Variants in CPAMD8 observed in about 807,000 individuals in gnomAD.
The protein encoded by CPAMD8 is C3 and PZP like alpha-2-macroglobulin domain containing 8.
Under a neutral mutation model 224.7 loss-of-function variants are expected in CPAMD8, and 146 were observed. That is an observed-to-expected ratio of 0.65 (90% CI 0.57 to 0.75). CPAMD8 has a LOEUF of 0.75. CPAMD8 is among the 30% of genes least tolerant of loss of function. The probability of loss-of-function intolerance (pLI) is 0.00; values close to 1 mark genes in which losing one functional copy is unlikely to be tolerated. For missense variants in CPAMD8, 2,301 were observed against 2,537.5 expected (o/e 0.91, Z 2.00); for synonymous variants, 966 against 1,044.6 (o/e 0.92, Z 1.45).
rs1299028718 is a variant in CPAMD8, at chr19:16,980,693, A to C, written c.1396-7T>G. On this transcript the variant is annotated splice_polypyrimidine_tract_variant and splice_region_variant and intron_variant, in intron 13 of 41. Transcript: ENST00000443236. ...AATAGGCTTCTTCCCCAACCTATGG[A>C]AGACACGCAGCATGGGGGGCTCTGC... 33 of 1,521,312 alleles carry C rather than the reference A, an allele frequency of 2.2e-5. No homozygotes were observed. Among genetic ancestry groups the C allele is most frequent in the Non-Finnish European group, 2.8e-5 (32 of 1,134,800 alleles). The allele number at this position is 1,521,312 out of a possible 1,614,324, so 94.2% of individuals were successfully genotyped here. A position where few individuals can be genotyped will look rare whatever the true frequency, so the allele number is the denominator to read the frequency against.
intron 29 of CPAMD8, among the ~76,000 whole-genome samples, chr19:16,913,429 C>T (rs1427321610): frequency 6.6e-6 from 1 of 152,142 alleles, no homozygotes; most frequent in East Asian, 1.9e-4. Flanking sequence ...GCTCTCTCTC[C>T]ACATGCACAC....
At chr19:16,926,134 A>G (rs2053350042) in intron 25 of CPAMD8, among the ~76,000 whole-genome samples, 1 of 151,914 alleles carries the variant, frequency 6.6e-6, no homozygotes. Flanking sequence ...AAAAGTTTCT[A>G]TATGTATGGA....
At chr19:17,015,255 TA>T (rs930010589) in intron 3 of CPAMD8, among the ~76,000 whole-genome samples, 2 of 151,670 alleles carry the variant, frequency 1.3e-5, no homozygotes, top group African/African-American at 2.4e-5. Context: ...AAATAAAAAA[TA>T]AAAAAAATGT....
chr19:16,903,131 C>T (rs1357314922), intron 34 of CPAMD8, among the ~76,000 whole-genome samples: 1 of 152,080 alleles, frequency 6.6e-6, no homozygotes, highest in Non-Finnish European at 1.5e-5. Flanking sequence ...CTCTCATCCA[C>T]AGTGTTATCT....
chr19:16,998,147 T>A (rs932172341), intron 10 of CPAMD8, among the ~76,000 whole-genome samples: 1 of 152,122 alleles, frequency 6.6e-6, no homozygotes, highest in Non-Finnish European at 1.5e-5. Context: ...TTCCAATCCA[T>A]GGAAGAGAAG....
intron 2 of CPAMD8, among the ~76,000 whole-genome samples, chr19:17,021,354 G>A (rs570719376): frequency 2.6e-5 from 4 of 152,180 alleles, no homozygotes; most frequent in Non-Finnish European, 5.9e-5. Flanking sequence ...GCTTCTAGAA[G>A]GTTCTAGAAG....
intron 23 of CPAMD8, among the ~76,000 whole-genome samples, chr19:16,930,813 T>C (rs1295475952): frequency 6.6e-6 from 1 of 152,168 alleles, no homozygotes; most frequent in Non-Finnish European, 1.5e-5. Flanking sequence ...ATCGAGATCC[T>C]AGCCACTGCC....
chr19:17,026,759 C>G lies in CPAMD8; in HGVS notation c.-117G>C, dbSNP rs1047925748. 30 of 1,188,528 alleles carry G rather than the reference C, an allele frequency of 2.5e-5. No homozygotes were observed. The highest frequency in any genetic ancestry group is 2.9e-5 in the Non-Finnish European group (28 of 960,980). The allele number at this position is 1,188,528 out of a possible 1,614,324, so 73.6% of individuals were successfully genotyped here. On this transcript the variant is annotated 5_prime_UTR_variant, in exon 1 of 42. Coordinates refer to ENST00000443236, the MANE Select transcript of CPAMD8 (RefSeq NM_015692.5). Reference sequence around the variant, plus strand: ...CCGCCGGGGGCCCTTTGTTCGCAGCCCCCGCGCAGTGCGCCCGGCGCCATG... The same window carrying G: ...CCGCCGGGGGCCCTTTGTTCGCAGCGCCCGCGCAGTGCGCCCGGCGCCATG...
At chr19:16,893,550 C>G (rs2051842378) in intron 41 of CPAMD8, 1 of 477,438 alleles carries the variant, frequency 2.1e-6, no homozygotes, top group South Asian at 4.8e-5. Flanking sequence ...GAAATAAATA[C>G]CACCCCGGAG....
At position 16,975,192 on chromosome 19, in the gene CPAMD8, A is replaced by T; in HGVS notation, c.1975T>A (p.Phe659Ile). 6.2e-7 allele frequency: 1 copy of T among 1,611,856 alleles called. No homozygotes were observed. The highest frequency in any genetic ancestry group is 2.2e-5 in the East Asian group (1 of 44,838). ...TGTGCCGTCAGCCCAGCCCACCAAA[A>T]AGGACCATCCTCCCTGGACACGCCA... ...SFGVSREDGP[F>I]WWAGLTAQRR... The change falls in exon 17 of 42, where the codon TTT (phenylalanine) becomes ATT (isoleucine). Residue 659 changes from phenylalanine (F) to isoleucine (I), a missense_variant. Around this residue, in one of 4 missense-constraint regions of CPAMD8, gnomAD observed 1,709 missense variants for 1,753.2 expected, o/e 0.97. Transcript: ENST00000443236.
chr19:16,942,104 C>T (rs1191494083), intron 22 of CPAMD8, among the ~76,000 whole-genome samples: 1 of 152,130 alleles, frequency 6.6e-6, no homozygotes, highest in Non-Finnish European at 1.5e-5. Context: ...CTGAGGCCTC[C>T]CCAGCCATGC....
Position 17,012,028 on chromosome 19 carries a change from C to CT in CPAMD8, c.268-272dup, listed in dbSNP as rs966705006. Among the ~76,000 whole-genome samples the CT allele has an allele frequency of 9.8e-4, 149 of 151,494 alleles. 1 individual carries two copies. The highest frequency in any genetic ancestry group is 3.9e-3 in the Admixed American group (59 of 15,194). On this transcript the variant is annotated intron_variant, in intron 3 of 41. Coordinates refer to ENST00000443236, the MANE Select transcript of CPAMD8 (RefSeq NM_015692.5). Reference sequence around the variant, plus strand: ...GCCCTTGGCAAACTGCCCCAAATATCTTTTTTTTTGGAGACAAGGCTTACT... The same window carrying CT: ...GCCCTTGGCAAACTGCCCCAAATATCTTTTTTTTTTGGAGACAAGGCTTACT...
intron 13 of CPAMD8, among the ~76,000 whole-genome samples, chr19:16,984,332 G>A (rs56927659): frequency 0.19 from 19,424 of 103,974 alleles, 1,819 homozygotes; most frequent in East Asian, 0.43. Context: ...AAAAAAAAAA[G>A]AGAGAGAGAG....
At position 16,899,387 on chromosome 19, in the gene CPAMD8, G is replaced by T. The variant is rs2227373; in HGVS notation, c.4848+88C>A. 2.6e-3 allele frequency: 1,954 copies of T among 746,412 alleles called. 38 individuals carry two copies. The African/African-American group carries it at 0.03, about 11-fold the overall frequency. 46.2% of individuals were successfully genotyped at this position (746,412 alleles called of 1,614,324 possible). The stretch of plus-strand genomic sequence containing the variant: ...GTCTTTTTTATGGTACAAGATACTT[G>T]CAGGGAGCCACACCAGGCAGTGACC... On this transcript the variant is annotated intron_variant, in intron 37 of 41. Transcript: ENST00000443236. The surrounding 1 kb of genome is among the most constrained non-coding windows in gnomAD (Gnocchi z 5.4).
intron 2 of CPAMD8, among the ~76,000 whole-genome samples, chr19:17,021,355 G>T (rs1200053125): frequency 2.6e-5 from 4 of 152,256 alleles, no homozygotes; most frequent in Admixed American, 6.5e-5. Context: ...CTTCTAGAAG[G>T]TTCTAGAAGC....
intron 19 of CPAMD8, among the ~76,000 whole-genome samples, chr19:16,955,746 G>A (rs556057163): frequency 3.4e-4 from 52 of 152,148 alleles, no homozygotes; most frequent in Admixed American, 1.9e-3. Flanking sequence ...GTGTAATTTC[G>A]TGTCACTGCA....
Position 17,021,711 on chromosome 19 carries a change from G to A in CPAMD8, c.244+319C>T, listed in dbSNP as rs955049175. On this transcript the variant is annotated intron_variant, in intron 2 of 41. Transcript: ENST00000443236. Reference sequence around the variant, plus strand: ...ACAAAAGGTCAGAGGGGGGTCATGTGATCTCCTTCAGGTCCCCTGTCCCAC... The same window carrying A: ...ACAAAAGGTCAGAGGGGGGTCATGTAATCTCCTTCAGGTCCCCTGTCCCAC... Among the ~76,000 whole-genome samples, 4 of 152,220 alleles carry A rather than the reference G, an allele frequency of 2.6e-5. No homozygotes were observed. In the East Asian group the frequency reaches 5.8e-4, roughly 22 times the overall value.
At chr19:16,992,603 C>A (rs2055993565) in intron 12 of CPAMD8, among the ~76,000 whole-genome samples, 1 of 151,976 alleles carries the variant, frequency 6.6e-6, no homozygotes, top group South Asian at 2.1e-4. Context: ...AGGCACCTGC[C>A]ACAACACCTG....
At chr19:17,008,809 T>C in intron 6 of CPAMD8, 1 of 545,954 alleles carries the variant, frequency 1.8e-6, no homozygotes, top group Non-Finnish European at 3.3e-6. Flanking sequence ...TGGACGTGGC[T>C]GGGTGTGGTG....
Sources: gnomAD v4.1 joint callset for allele counts (sites outside exome capture counted in the v4.1 genomes callset) on GRCh38, gnomAD v4.1.1 for gene constraint, gnomAD v4.1.1 regional missense constraint, Gnocchi (gnomAD v3.1) non-coding constraint, MANE v1.5 for transcripts, NCBI Gene and HGNC (gene_info 2026-07-23, HGNC 2026-07-21) for gene names.